The following EIF2B4 variants were observed in gnomAD, a reference collection of about 807,000 sequenced individuals.
EIF2B4 encodes eukaryotic translation initiation factor 2B subunit delta, also known as translation initiation factor eIF2B subunit delta.
In EIF2B4, 34 loss-of-function variants were observed where a neutral mutation model predicts 66.7. That is an observed-to-expected ratio of 0.51 (90% CI 0.39 to 0.68). The LOEUF (loss-of-function observed/expected upper bound fraction) is 0.68. Ranked by LOEUF, EIF2B4 falls within the 30% of genes least tolerant of loss-of-function variation. The pLI is 0.00. For missense variants in EIF2B4, 618 were observed against 657.9 expected (o/e 0.94, Z 0.66); for synonymous variants, 278 against 253.6 (o/e 1.10, Z -0.92).
At position 27,367,059 on chromosome 2, in the gene EIF2B4, A is replaced by G. The variant is rs2148373589; in HGVS notation, c.1013+15T>C. 1 of 1,614,136 alleles carries G rather than the reference A, an allele frequency of 6.2e-7. No individual in the cohort carries two copies. Among genetic ancestry groups the G allele is most frequent in the Non-Finnish European group, 8.5e-7 (1 of 1,180,040 alleles). On this transcript the variant is annotated intron_variant, in intron 10 of 12. Coordinates refer to ENST00000347454, the MANE Select transcript of EIF2B4 (RefSeq NM_001034116.2). ...CCAACTCCCAATCTGCTCAGTCACAAGGTCTGGACCATACCATCCATATAC... is the reference window on the plus strand; with the variant it reads ...CCAACTCCCAATCTGCTCAGTCACAGGGTCTGGACCATACCATCCATATAC...
At position 27,366,196 on chromosome 2, in the gene EIF2B4, C is replaced by T. The variant is rs538654621; in HGVS notation, c.1191+563G>A. ...AACTACATGCGCATGCCACCATGCC[C>T]GGGGTGGGGGTGGGGTGGGGTGTGT... On this transcript the variant is annotated intron_variant, in intron 11 of 12. Coordinates refer to ENST00000347454, the MANE Select transcript of EIF2B4 (RefSeq NM_001034116.2). The T allele has an allele frequency of 3.9e-4, 35 of 90,444 alleles. 2 individuals are homozygous for T. The Middle Eastern group carries it at 0.027, about 70-fold the overall frequency. The allele number at this position is 90,444 out of a possible 1,614,324, so 5.6% of individuals were successfully genotyped here.
At chr2:27,369,848 G>T (rs1380172639) in intron 2 of EIF2B4, 28 bp downstream of exon 2, 1 of 1,561,758 alleles carries the variant, frequency 6.4e-7, no homozygotes, top group Non-Finnish European at 8.7e-7. Flanking sequence ...GCGCTTGGCA[G>T]GCGGCTTGGG....
At position 27,369,203 on chromosome 2, in the gene EIF2B4, G is replaced by A. The variant is rs764777030; in HGVS notation, c.221C>T (p.Thr74Ile). The A allele has an allele frequency of 2.5e-6, 4 of 1,611,820 alleles. No homozygotes were observed. Among genetic ancestry groups the A allele is most frequent in the South Asian group, 1.1e-5 (1 of 91,068 alleles). ...AATGCCCGATTCTGGCAGTTCTCTG[G>A]TTGGGCCTACTAAAAGCATTAAAAA... is the stretch of plus-strand genomic sequence containing the variant. ...VSAAQCQVGP[T>I]RELPESGIQL... is the part of the protein sequence containing the mutation. The change falls in exon 4 of 13, where the codon ACC (threonine) becomes ATC (isoleucine). Residue 74 changes from threonine (T) to isoleucine (I), a missense_variant. This residue lies in a region of EIF2B4 where 506 missense variants were observed against 511.9 expected (regional missense o/e 0.99). Transcript: ENST00000347454.
chr2:27,367,393 T>G, intron 9 of EIF2B4, 64 bp downstream of exon 9: 2 of 1,606,420 alleles, frequency 1.2e-6, no homozygotes, highest in African/African-American at 1.3e-5. Context: ...TTCCCGGGAG[T>G]TTTTAACATG....
chr2:27,368,859 G>C lies in EIF2B4; in HGVS notation c.419-126C>G, dbSNP rs554691151. ...GAAAACGGGAGAATAGGGTAGAAAA[G>C]GAAATAGGGATAGGATAATGGGGTT... On this transcript the variant is annotated intron_variant, in intron 4 of 12. Coordinates refer to ENST00000347454, the MANE Select transcript of EIF2B4 (RefSeq NM_001034116.2). 11 of 1,416,928 alleles carry C rather than the reference G, an allele frequency of 7.8e-6. No homozygotes were observed. The South Asian group carries it at 1.3e-4, about 17-fold the overall frequency. 87.8% of individuals were successfully genotyped at this position (1,416,928 alleles called of 1,614,324 possible). A position where few individuals can be genotyped will look rare whatever the true frequency, so the allele number is the denominator to read the frequency against.
At position 27,364,429 on chromosome 2, in the gene EIF2B4, C is replaced by T; in HGVS notation, c.1543G>A (p.Val515Ile). ...GMIPCSSVPVVLRVKSSDQ is the reference protein window; with the variant it reads ...GMIPCSSVPVILRVKSSDQ ...TGGTCACTGCTCTTGACTCGTAGAA[C>T]AACAGGTACAGAACTGCAAGGGATC... The change falls in exon 13 of 13, where the codon GTT (valine) becomes ATT (isoleucine). Residue 515 changes from valine (V) to isoleucine (I), a missense_variant. This residue lies in a region of EIF2B4 where 13 missense variants were observed against 33.0 expected (regional missense o/e 0.39). Transcript: ENST00000347454. The T allele has an allele frequency of 6.2e-7, 1 of 1,614,110 alleles. No individual in the cohort carries two copies. Among genetic ancestry groups the T allele is most frequent in the Non-Finnish European group, 8.5e-7 (1 of 1,180,030 alleles).
At position 27,367,813 on chromosome 2, in the gene EIF2B4, C is replaced by G. The variant is rs1339530461; in HGVS notation, c.715G>C (p.Asp239His). The G allele has an allele frequency of 6.8e-6, 11 of 1,613,788 alleles. No individual in the cohort carries two copies. The highest frequency in any genetic ancestry group is 9.3e-6 in the Non-Finnish European group (11 of 1,179,912). ...LLRALQQVIQDYTTPPNEELS... is the reference protein window; with the variant it reads ...LLRALQQVIQHYTTPPNEELS... ...TCTTCATTAGGCGGTGTTGTGTAAT[C>G]CTGAATCACCTATAGGGTACACAAG... is the stretch of plus-strand genomic sequence containing the variant. Residue 239 changes from aspartate (D) to histidine (H), a missense_variant, in exon 8 of 13, where the codon GAT (aspartate) becomes CAT (histidine). Asp to His is a moderately conservative substitution (Grantham distance 81). Around this residue, in one of 4 missense-constraint regions of EIF2B4, gnomAD observed 506 missense variants for 511.9 expected, o/e 0.99. Transcript: ENST00000347454.
intron 8 of EIF2B4, 33 bp downstream of exon 8, chr2:27,367,713 G>A (rs764875098): frequency 9.4e-6 from 15 of 1,595,222 alleles, no homozygotes; most frequent in South Asian, 2.2e-5. Flanking sequence ...AAGATTGGGC[G>A]AGCTGGGAGT....
chr2:27,367,132 T>G lies in EIF2B4; in HGVS notation c.955A>C (p.Ile319Leu). The G allele has an allele frequency of 6.2e-7, 1 of 1,614,184 alleles. No homozygotes were observed. The change falls in exon 10 of 13, where the codon ATT becomes CTT. Residue 319 changes from isoleucine to leucine, a missense_variant. Ile to Leu is a conservative substitution (Grantham distance 5). This residue lies in a region of EIF2B4 where 506 missense variants were observed against 511.9 expected (regional missense o/e 0.99). Coordinates refer to ENST00000347454, the MANE Select transcript of EIF2B4 (RefSeq NM_001034116.2). ...ATCTTCTGGTAAGCAAAGCGTGAAATTGCCTGAGCTGCTAGCACAATCTTC... is the reference window on the plus strand; with the variant it reads ...ATCTTCTGGTAAGCAAAGCGTGAAAGTGCCTGAGCTGCTAGCACAATCTTC... ...QEKIVLAAQA[I>L]SRFAYQKISN... is the part of the protein sequence containing the mutation.
intron 12 of EIF2B4, 43 bp from the exon 13 acceptor site, chr2:27,364,642 G>A (rs1681708135): frequency 6.2e-6 from 10 of 1,614,004 alleles, no homozygotes; most frequent in African/African-American, 1.3e-5. Flanking sequence ...CAGAAAAGAA[G>A]TTCTAGTTTA....
intron 6 of EIF2B4, 103 bp downstream of exon 6, chr2:27,368,269 T>TA: frequency 7.4e-7 from 1 of 1,342,922 alleles, no homozygotes; most frequent in Non-Finnish European, 1.1e-6. Context: ...CTTGGGTTCA[T>TA]ACTTTTTCCT....
At chr2:27,368,814 G>A (rs1682071853) in intron 4 of EIF2B4, 81 bp from the exon 5 acceptor site, 3 of 1,513,390 alleles carry the variant, frequency 2.0e-6, no homozygotes, top group Non-Finnish European at 1.8e-6. Flanking sequence ...GGGGCATCAA[G>A]AAAAACAGGA....
intron 6 of EIF2B4, 115 bp downstream of exon 6, chr2:27,368,257 G>C: frequency 7.6e-7 from 1 of 1,315,254 alleles, no homozygotes; most frequent in Non-Finnish European, 1.1e-6. Flanking sequence ...CTACAGTTCT[G>C]CCTTGGGTTC....
chr2:27,368,057 G>A lies in EIF2B4; in HGVS notation c.673C>T (p.Arg225Trp), dbSNP rs907448099. 3.1e-6 allele frequency: 5 copies of A among 1,596,036 alleles called. No individual in the cohort carries two copies. Among genetic ancestry groups the A allele is most frequent in the Non-Finnish European group, 3.4e-6 (4 of 1,171,104 alleles). The change falls in exon 7 of 13, where the codon CGG (arginine) becomes TGG (tryptophan). Residue 225 changes from arginine to tryptophan, a missense_variant. Arg to Trp is a moderately radical substitution (Grantham distance 101). Transcript: ENST00000347454. Reference protein sequence around the residue: ...SQGLVSGSNARCIALLRALQQ... With the variant: ...SQGLVSGSNAWCIALLRALQQ... Reference sequence around the variant, plus strand: ...AAGGCACGAAGCAGGGCAATACACCGGGCATTGGAGCCACTGACCAGGCCC... The same window carrying A: ...AAGGCACGAAGCAGGGCAATACACCAGGCATTGGAGCCACTGACCAGGCCC...
intron 2 of EIF2B4, 27 bp from the exon 3 acceptor site, chr2:27,369,576 C>T: frequency 6.2e-7 from 1 of 1,614,052 alleles, no homozygotes; most frequent in South Asian, 1.1e-5. Flanking sequence ...GGATACTGCT[C>T]TTCCCCAACA....
intron 11 of EIF2B4, 58 bp downstream of exon 11, chr2:27,366,701 G>A (rs1441204001): frequency 1.3e-6 from 2 of 1,584,224 alleles, no homozygotes; most frequent in African/African-American, 1.3e-5. Context: ...GTGAGATTAT[G>A]TCTATACTAC....
chr2:27,366,677 G>C, intron 11 of EIF2B4, 82 bp downstream of exon 11: 1 of 1,542,180 alleles, frequency 6.5e-7, no homozygotes, highest in Non-Finnish European at 9.0e-7. Context: ...AAACAAAACT[G>C]TAACTTTGGG....
intron 12 of EIF2B4, 49 bp from the exon 13 acceptor site, chr2:27,364,648 G>C: frequency 6.2e-7 from 1 of 1,614,108 alleles, no homozygotes. Flanking sequence ...AGAAGTTCTA[G>C]TTTATCCGCC....
intron 8 of EIF2B4, 54 bp from the exon 9 acceptor site, chr2:27,367,613 G>C (rs760363137): frequency 7.1e-5 from 114 of 1,600,468 alleles, no homozygotes; most frequent in Non-Finnish European, 9.0e-5. Context: ...AACTTACAAA[G>C]CCTTCACATT....
Sources: gnomAD v4.1 joint callset for allele counts on GRCh38, gnomAD v4.1.1 for gene constraint, gnomAD v4.1.1 regional missense constraint, MANE v1.5 for transcripts, NCBI Gene and HGNC (gene_info 2026-07-23, HGNC 2026-07-21) for gene names.